Variants in RMDN1 observed in about 807,000 individuals in gnomAD.
The protein encoded by RMDN1 is regulator of microtubule dynamics protein 1.
In RMDN1, 48 loss-of-function variants were observed where a neutral mutation model predicts 48.9. The observed-to-expected ratio is 0.98, with a 90% confidence interval of 0.78 to 1.25. The LOEUF (loss-of-function observed/expected upper bound fraction) is 1.25, where lower values mean the gene tolerates loss of function less well. RMDN1 is among the 50% of genes most tolerant of loss of function. The pLI, the probability that RMDN1 is intolerant of heterozygous loss-of-function variation, is 0.00. For synonymous variants in RMDN1, 148 were observed against 132.6 expected (o/e 1.12, Z -0.80); for missense variants, 418 against 373.4 (o/e 1.12, Z -0.98).
chr8:86,473,982 CCCT>C lies in RMDN1; in HGVS notation c.*323_*325del, dbSNP rs1323391495. Reference sequence around the variant, plus strand: ...TGTATATCCCCTATAGATCCATTTCCCCTCCTCTACAAATATTTCTTTGCTTGA... The same window carrying C: ...TGTATATCCCCTATAGATCCATTTCCCCTCTACAAATATTTCTTTGCTTGA... On this transcript the variant is annotated 3_prime_UTR_variant, in exon 10 of 10. Coordinates refer to ENST00000406452, the MANE Select transcript of RMDN1 (RefSeq NM_016033.3). 14 of 1,066,270 alleles carry C rather than the reference CCCT, an allele frequency of 1.3e-5. No homozygotes were observed. The highest frequency in any genetic ancestry group is 1.5e-5 in the Non-Finnish European group (13 of 881,134). The allele number at this position is 1,066,270 out of a possible 1,614,324, so 66.1% of individuals were successfully genotyped here.
upstream of RMDN1, among the ~76,000 whole-genome samples, chr8:86,511,159 G>A (rs1383597447): frequency 1.3e-5 from 2 of 150,426 alleles, no homozygotes; most frequent in South Asian, 2.1e-4. Context: ...GTGAGACACC[G>A]TCTTTAAAAA....
Position 86,508,473 on chromosome 8 carries a change from G to A in RMDN1, c.129+19C>T. ...ACTGAGTAGGAAGTGAGGAGCGGGA[G>A]CCAGGACCACGGGGGTACCTCGAAG... On this transcript the variant is annotated intron_variant, in intron 1 of 9. Coordinates refer to ENST00000406452, the MANE Select transcript of RMDN1 (RefSeq NM_016033.3). 1 of 1,540,272 alleles carries A rather than the reference G, an allele frequency of 6.5e-7. No homozygotes were observed. Among genetic ancestry groups the A allele is most frequent in the Non-Finnish European group, 8.7e-7 (1 of 1,143,270 alleles).
chr8:86,486,597 C>T lies in RMDN1; in HGVS notation c.382G>A (p.Val128Ile). ...TCTGAGGTTCTGCTAAGCTGAGCTA[C>T]ATCACGTGATGCCCGTGCCAAACGC... ...LWRLARASRDVAQLSRTSEEE... is the reference protein window; with the variant it reads ...LWRLARASRDIAQLSRTSEEE... Residue 128 changes from valine (V) to isoleucine (I), a missense_variant, in exon 4 of 10, where the codon GTA becomes ATA. By Grantham distance (29) the Val-to-Ile change is conservative. Transcript: ENST00000406452. 2 of 1,611,490 alleles carry T rather than the reference C, an allele frequency of 1.2e-6. No homozygotes were observed. Among genetic ancestry groups the T allele is most frequent in the Non-Finnish European group, 1.7e-6 (2 of 1,178,304 alleles).
At chr8:86,488,989 T>C (rs1218466756) in intron 2 of RMDN1, among the ~76,000 whole-genome samples, 1 of 152,262 alleles carries the variant, frequency 6.6e-6, no homozygotes, top group Non-Finnish European at 1.5e-5. Context: ...AAAGTTTACT[T>C]ATCTGTGTTG....
chr8:86,480,050 C>T (rs2130656315), intron 6 of RMDN1, among the ~76,000 whole-genome samples: 1 of 152,166 alleles, frequency 6.6e-6, no homozygotes, highest in Non-Finnish European at 1.5e-5. Context: ...TCAGTCTGTA[C>T]ATGTTTCTAA....
intron 1 of RMDN1, chr8:86,508,112 ACAC>A (rs1819681826): frequency 5.2e-6 from 1 of 193,964 alleles, no homozygotes; most frequent in African/African-American, 2.3e-5. Context: ...TTTAAATCAC[ACAC>A]CACACTTTTC....
intron 2 of RMDN1, among the ~76,000 whole-genome samples, chr8:86,494,025 A>C (rs1483867239): frequency 2.0e-5 from 3 of 152,210 alleles, no homozygotes; most frequent in Non-Finnish European, 2.9e-5. Context: ...AGAGAGTAGA[A>C]TGGCGGTTAC....
intron 1 of RMDN1, 99 bp downstream of exon 1, chr8:86,508,393 A>T: frequency 7.5e-7 from 1 of 1,337,906 alleles, no homozygotes. Flanking sequence ...GGTTCACCAC[A>T]TTCCTTAGGC....
chr8:86,500,530 TAAAAA>T (rs34024970), intron 2 of RMDN1, among the ~76,000 whole-genome samples: 2 of 144,490 alleles, frequency 1.4e-5, no homozygotes, highest in Non-Finnish European at 3.1e-5. Flanking sequence ...AAAAAATAAT[TAAAAA>T]AAAAAAAGAT....
chr8:86,512,767 C>T (rs750682423), upstream of RMDN1, among the ~76,000 whole-genome samples: 26 of 152,194 alleles, frequency 1.7e-4, no homozygotes, highest in Middle Eastern at 6.8e-3. Flanking sequence ...GGCACTGATA[C>T]GATTTTAAAA....
chr8:86,479,466 G>T (rs1014284371), intron 6 of RMDN1, among the ~76,000 whole-genome samples: 6 of 152,156 alleles, frequency 3.9e-5, no homozygotes, highest in Middle Eastern at 3.2e-3. Context: ...CAAAGCAAAT[G>T]ATTAACCTCC....
intron 2 of RMDN1, among the ~76,000 whole-genome samples, chr8:86,489,006 A>C (rs1367449217): frequency 6.6e-6 from 1 of 152,250 alleles, no homozygotes; most frequent in Non-Finnish European, 1.5e-5. Flanking sequence ...GTTGGGCCAG[A>C]TTCAAAGCTG....
chr8:86,513,261 G>C (rs1820142515), upstream of RMDN1, among the ~76,000 whole-genome samples: 1 of 152,112 alleles, frequency 6.6e-6, no homozygotes, highest in South Asian at 2.1e-4. Flanking sequence ...GTAATCCCAA[G>C]CTACTCAGGA....
chr8:86,502,682 G>C (rs1417492885), intron 2 of RMDN1, among the ~76,000 whole-genome samples: 2 of 152,102 alleles, frequency 1.3e-5, no homozygotes, highest in Admixed American at 1.3e-4. Flanking sequence ...CAAAGTACTA[G>C]AGCCTTTTGT....
At chr8:86,477,402 T>C (rs917403501) in intron 7 of RMDN1, 78 bp from the exon 8 acceptor site, 2 of 1,100,072 alleles carry the variant, frequency 1.8e-6, no homozygotes, top group African/African-American at 1.6e-5. Flanking sequence ...GTCTCAAAGA[T>C]CTACTGCTAT....
At chr8:86,510,984 GTTTGTT>G (rs1237034169), upstream of RMDN1, among the ~76,000 whole-genome samples, 1 of 137,626 alleles carries the variant, frequency 7.3e-6, no homozygotes, top group Non-Finnish European at 1.6e-5. Context: ...TCTTGTTGTT[GTTTGTT>G]TTTTGTTTTT....
At chr8:86,503,824 CTT>C in intron 2 of RMDN1, 1 of 553,518 alleles carries the variant, frequency 1.8e-6, no homozygotes, top group Non-Finnish European at 3.4e-6. Flanking sequence ...CCGTTAGACT[CTT>C]TATCAACCAC....
At chr8:86,506,821 G>C (rs1819439619) in intron 2 of RMDN1, among the ~76,000 whole-genome samples, 174 bp downstream of exon 2, 1 of 152,164 alleles carries the variant, frequency 6.6e-6, no homozygotes, top group Non-Finnish European at 1.5e-5. Flanking sequence ...CAAACAGTAG[G>C]TTGGCAGTTA....
intron 2 of RMDN1, among the ~76,000 whole-genome samples, chr8:86,489,448 A>G (rs759321729): frequency 6.6e-6 from 1 of 152,206 alleles, no homozygotes; most frequent in Non-Finnish European, 1.5e-5. Flanking sequence ...TTTGTCTTCT[A>G]TAAGGGTACT....
Sources: allele counts gnomAD v4.1 joint callset (sites outside exome capture counted in the v4.1 genomes callset), GRCh38; gene constraint gnomAD v4.1.1; transcripts MANE v1.5; gene names NCBI Gene and HGNC (gene_info 2026-07-23, HGNC 2026-07-21).